Variants in PFKL observed in about 807,000 individuals in gnomAD.
PFKL encodes ATP-dependent 6-phosphofructokinase, liver type.
In PFKL, 74 loss-of-function variants were observed where a neutral mutation model predicts 92.1. That is an observed-to-expected ratio of 0.80 (90% CI 0.67 to 0.97). PFKL has a LOEUF of 0.97. Ranked by LOEUF, PFKL falls within the 50% of genes least tolerant of loss-of-function variation. The pLI is 0.00. For missense variants in PFKL, 1,028 were observed against 1,116.6 expected (o/e 0.92, Z 1.13); for synonymous variants, 494 against 456.4 (o/e 1.08, Z -1.05).
chr21:44,304,151 T>C, intron 1 of PFKL: 1 of 1,246,026 alleles, frequency 8.0e-7, no homozygotes, highest in Non-Finnish European at 1.0e-6. Context: ...AAAGCTGGGT[T>C]TTGGCAGCTT....
At chr21:44,300,290 G>GGCCGGCCCGGCCTCCCGCCCCGGCCTCCC (rs2040732867) in intron 1 of PFKL, 100 bp downstream of exon 1, 1 of 431,166 alleles carries the variant, frequency 2.3e-6, no homozygotes, top group African/African-American at 2.1e-5. Context: ...CCGGGTCTCG[G>GGCCGGCCCGGCCTCCCGCCCCGGCCTCCC]GCCGGCCCGG....
chr21:44,310,169 A>G (rs2041074198), intron 2 of PFKL, among the ~76,000 whole-genome samples: 1 of 152,206 alleles, frequency 6.6e-6, no homozygotes, highest in African/African-American at 2.4e-5. Context: ...CCACACCCTT[A>G]GTGAAATGCA....
At position 44,312,878 on chromosome 21, in the gene PFKL, C is replaced by T. The variant is rs575185589; in HGVS notation, c.428-100C>T. 50 of 1,331,544 alleles carry T rather than the reference C, an allele frequency of 3.8e-5. 2 individuals are homozygous for T. The highest frequency in any genetic ancestry group is 1.9e-4 in the Middle Eastern group (1 of 5,352). 82.5% of individuals were successfully genotyped at this position (1,331,544 alleles called of 1,614,324 possible). On this transcript the variant is annotated intron_variant, in intron 4 of 21. Coordinates refer to ENST00000349048, the MANE Select transcript of PFKL (RefSeq NM_002626.6). ...ACTCCGGGGCCCCTGCCGGGCTGCA[C>T]GCCTGGGATGCGGGGGAAGGGGTGG...
chr21:44,320,218 C>CAGCCA, intron 12 of PFKL, 71 bp downstream of exon 12: 5 of 1,419,204 alleles, frequency 3.5e-6, no homozygotes, highest in Non-Finnish European at 4.0e-6. Context: ...CACGCTGGCC[C>CAGCCA]CGTGGCTGGG....
chr21:44,322,177 T>C lies in PFKL; in HGVS notation c.1383T>C (p.Arg461=). The stretch of plus-strand genomic sequence containing the variant: ...ACGACGTGGCCGGCTGGTTGGGGCG[T>C]GGTGGCTCCATGCTGGGGACCAAGA... ...GWHDVAGWLG[R]GGSMLGTKRT... Residue 461 remains arginine (R), a synonymous_variant, in exon 14 of 22, where the codon CGT becomes CGC. Coordinates refer to ENST00000349048, the MANE Select transcript of PFKL (RefSeq NM_002626.6). The C allele has an allele frequency of 6.2e-7, 1 of 1,604,374 alleles. No individual in the cohort carries two copies. Among genetic ancestry groups the C allele is most frequent in the Non-Finnish European group, 8.5e-7 (1 of 1,178,522 alleles).
chr21:44,316,316 A>G lies in PFKL; in HGVS notation c.820A>G (p.Ile274Val), dbSNP rs144588570. 51 of 1,613,306 alleles carry G rather than the reference A, an allele frequency of 3.2e-5. No homozygotes were observed. In the Middle Eastern group the frequency reaches 9.9e-4, roughly 31 times the overall value. Reference protein sequence around the residue: ...EGAIDRNGKPISSSYVKDLVV... With the variant: ...EGAIDRNGKPVSSSYVKDLVV... Reference sequence around the variant, plus strand: ...TGCCATTGACCGCAACGGGAAGCCCATCTCGTCCAGCTACGTGAAGGACGT... The same window carrying G: ...TGCCATTGACCGCAACGGGAAGCCCGTCTCGTCCAGCTACGTGAAGGACGT... The change falls in exon 8 of 22, where the codon ATC (isoleucine) becomes GTC (valine). Residue 274 changes from isoleucine (I) to valine (V), a missense_variant. Physicochemically the swap from Ile to Val is conservative, Grantham distance 29. Coordinates refer to ENST00000349048, the MANE Select transcript of PFKL (RefSeq NM_002626.6).
intron 6 of PFKL, 33 bp from the exon 7 acceptor site, chr21:44,313,880 G>A (rs906308385): frequency 4.0e-5 from 61 of 1,515,090 alleles, no homozygotes; most frequent in Non-Finnish European, 4.2e-5. Flanking sequence ...GGCTGGGTGG[G>A]GGTCCTGAGC....
chr21:44,324,477 C>A lies in PFKL; in HGVS notation c.1651-14C>A, dbSNP rs371897981. On this transcript the variant is annotated splice_polypyrimidine_tract_variant and intron_variant, in intron 16 of 21. Transcript: ENST00000349048. ...GGGCACGTGGAGGACCCCCGACCCC[C>A]CCTTGTCCCCCAGAGCTGTGACCGC... The A allele has an allele frequency of 2.5e-5, 40 of 1,612,656 alleles. 1 individual carries two copies. In the African/African-American group the frequency reaches 4.8e-4, roughly 19 times the overall value.
rs1350230041 is a variant in PFKL at position 44,322,971 on chromosome 21, C to G, written c.1419C>G (p.Pro473=). The G allele has an allele frequency of 9.3e-6, 15 of 1,611,474 alleles. No homozygotes were observed. The highest frequency in any genetic ancestry group is 1.2e-5 in the Non-Finnish European group (14 of 1,178,672). Residue 473 remains proline, a synonymous_variant, in exon 15 of 22, where the codon CCC becomes CCG. Transcript: ENST00000349048. ...GSMLGTKRTL[P]KGQLESIVEN... is the part of the protein sequence containing the mutation. ...GTGTCTTTGACTGCAGGACCCTGCC[C>G]AAGGGCCAGCTGGAGTCCATTGTGG...
At chr21:44,318,082 A>G (rs1179712838) in intron 9 of PFKL, among the ~76,000 whole-genome samples, 1 of 152,228 alleles carries the variant, frequency 6.6e-6, no homozygotes, top group Non-Finnish European at 1.5e-5. Context: ...GCCGGTGCGG[A>G]CACACACCAG....
Position 44,325,231 on chromosome 21 carries a change from C to CT in PFKL, c.1957dup (p.Cys653LeufsTer19), listed in dbSNP as rs2047470015. 6.2e-7 allele frequency: 1 copy of CT among 1,612,544 alleles called. No homozygotes were observed. The highest frequency in any genetic ancestry group is 1.3e-5 in the African/African-American group (1 of 74,922). Reference sequence around the variant, plus strand: ...CATCAGAGGGCAAGGGCGTCTTCGACTGCAGGACCAATGTCCTGGGCCACC... The same window carrying CT: ...CATCAGAGGGCAAGGGCGTCTTCGACTTGCAGGACCAATGTCCTGGGCCACC... On this transcript the variant is annotated frameshift_variant, in exon 19 of 22. Transcript: ENST00000349048. LOFTEE classifies it high-confidence loss of function.
At chr21:44,311,673 G>A (rs1276328882) in intron 3 of PFKL, among the ~76,000 whole-genome samples, 1 of 152,186 alleles carries the variant, frequency 6.6e-6, no homozygotes, top group African/African-American at 2.4e-5. Context: ...GGGTCCTGGG[G>A]GAGCCCTGGC....
Position 44,321,781 on chromosome 21 carries a change from A to G in PFKL, c.1244A>G (p.Asn415Ser). 6.2e-7 allele frequency: 1 copy of G among 1,600,098 alleles called. No homozygotes were observed. Among genetic ancestry groups the G allele is most frequent in the Non-Finnish European group, 8.5e-7 (1 of 1,173,650 alleles). Residue 415 changes from asparagine to serine, a missense_variant, in exon 13 of 22, where the codon AAT becomes AGT. Transcript: ENST00000349048. Reference sequence around the variant, plus strand: ...GTGGGGGCCCCGGCGGCTGGCATGAATGCGGCCGTGCGCTCGGCGGTGCGG... The same window carrying G: ...GTGGGGGCCCCGGCGGCTGGCATGAGTGCGGCCGTGCGCTCGGCGGTGCGG... ...LNVGAPAAGM[N>S]AAVRSAVRTG...
chr21:44,316,661 TG>T, intron 9 of PFKL, 137 bp downstream of exon 9: 1 of 659,050 alleles, frequency 1.5e-6, no homozygotes, highest in Non-Finnish European at 2.6e-6. Context: ...TGTCTGTGTG[TG>T]GGGGTGTATG....
chr21:44,311,363 C>T (rs931279233), intron 3 of PFKL, among the ~76,000 whole-genome samples: 5 of 151,724 alleles, frequency 3.3e-5, no homozygotes, highest in Non-Finnish European at 2.9e-5. Flanking sequence ...GACGTGCACA[C>T]AGACACACAG....
At chr21:44,310,782 T>C (rs919586741) in intron 2 of PFKL, among the ~76,000 whole-genome samples, 4 of 150,322 alleles carry the variant, frequency 2.7e-5, no homozygotes, top group Non-Finnish European at 5.9e-5. Context: ...GCCACAGGAG[T>C]CACGCCCCGG....
At chr21:44,309,180 C>T (rs1245596033) in intron 2 of PFKL, among the ~76,000 whole-genome samples, 6 of 152,194 alleles carry the variant, frequency 3.9e-5, no homozygotes, top group Non-Finnish European at 8.8e-5. Context: ...GCCCCCAGCG[C>T]TGGCTTCCTT....
intron 3 of PFKL, among the ~76,000 whole-genome samples, chr21:44,311,755 G>A (rs1464794729): frequency 6.6e-6 from 1 of 152,174 alleles, no homozygotes; most frequent in African/African-American, 2.4e-5. Context: ...GGCCCTGGCC[G>A]GTTCCCTGAG....
intron 3 of PFKL, among the ~76,000 whole-genome samples, chr21:44,311,479 T>C (rs1568950221): frequency 6.6e-6 from 1 of 152,038 alleles, no homozygotes; most frequent in Non-Finnish European, 1.5e-5. Flanking sequence ...GACACACAGA[T>C]GCGCACACAG....
Sources: allele counts gnomAD v4.1 joint callset (sites outside exome capture counted in the v4.1 genomes callset), GRCh38; gene constraint gnomAD v4.1.1; transcripts MANE v1.5; gene names NCBI Gene and HGNC (gene_info 2026-07-23, HGNC 2026-07-21).